HCN1: variants seen among roughly 807,000 people sequenced by gnomAD.
The protein encoded by HCN1 is hyperpolarization activated cyclic nucleotide gated potassium channel 1, also known as potassium/sodium hyperpolarization-activated cyclic nucleotide-gated channel 1.
HCN1 carries 13 observed loss-of-function variants against 78.9 expected under a neutral mutation model. The observed-to-expected ratio is 0.16, with a 90% CI of 0.11 to 0.26. The LOEUF is 0.26. Ranked by LOEUF, HCN1 falls within the 10% of genes least tolerant of loss-of-function variation. HCN1 has a pLI of 1.00. For missense variants in HCN1, 810 were observed against 1,154.3 expected, an observed-to-expected ratio of 0.70 and a Z score of 4.32; for synonymous variants, 552 against 455.5, an observed-to-expected ratio of 1.21 and a Z score of -2.70.
At position 45,267,259 on chromosome 5, in the gene HCN1, A is replaced by G; in HGVS notation, c.1619-6T>C. 6.2e-7 allele frequency: 1 copy of G among 1,613,558 alleles called. No individual in the cohort carries two copies. The highest frequency in any genetic ancestry group is 8.5e-7 in the Non-Finnish European group (1 of 1,179,586). The stretch of plus-strand genomic sequence containing the variant: ...TTTGGTCAGCAGGCAAATCTCTATA[A>G]AAACAAACAACAAAGAAGAATGACT... On this transcript the variant is annotated splice_polypyrimidine_tract_variant and splice_region_variant and intron_variant, in intron 6 of 7. Coordinates refer to ENST00000303230, the MANE Select transcript of HCN1 (RefSeq NM_021072.4).
At position 45,314,781 on chromosome 5, in the gene HCN1, AG is replaced by A. The variant is rs556088471; in HGVS notation, c.1378-10943del. Among the ~76,000 whole-genome samples the A allele has an allele frequency of 3.5e-4, 53 of 152,348 alleles. No individual in the cohort carries two copies. The East Asian group carries it at 0.01, about 29-fold the overall frequency. On this transcript the variant is annotated intron_variant, in intron 5 of 7. Transcript: ENST00000303230. ...TTGCAATCCTAGTCTCTGATAAAAC[AG>A]ACTTTAAACCAACAAAGATCAAAAG...
chr5:45,358,859 C>T (rs1455475980), intron 4 of HCN1, among the ~76,000 whole-genome samples: 2 of 152,036 alleles, frequency 1.3e-5, no homozygotes, highest in African/African-American at 4.8e-5. Flanking sequence ...GAGTCTGACA[C>T]CTTTTAAGAT....
chr5:45,653,404 C>A (rs1745713608), intron 1 of HCN1, among the ~76,000 whole-genome samples: 1 of 152,062 alleles, frequency 6.6e-6, no homozygotes, highest in African/African-American at 2.4e-5. Flanking sequence ...ATGATGTCAA[C>A]AATAATTTGA....
intron 2 of HCN1, among the ~76,000 whole-genome samples, chr5:45,593,247 C>A (rs1315745897): frequency 6.8e-6 from 1 of 148,030 alleles, no homozygotes; most frequent in African/African-American, 2.5e-5. Context: ...CACACACAAA[C>A]ACGCACACTA....
chr5:45,372,884 C>T (rs902876781), intron 4 of HCN1, among the ~76,000 whole-genome samples: 1 of 141,834 alleles, frequency 7.1e-6, no homozygotes, highest in Non-Finnish European at 1.5e-5. Context: ...GTATTCTATA[C>T]ACAAAAATAT....
At chr5:45,630,792 A>T (rs1377681873) in intron 2 of HCN1, among the ~76,000 whole-genome samples, 3 of 152,112 alleles carry the variant, frequency 2.0e-5, no homozygotes, top group African/African-American at 7.2e-5. Flanking sequence ...TAAAGCTGTG[A>T]TACATCCTCA....
intron 3 of HCN1, among the ~76,000 whole-genome samples, chr5:45,461,089 GAACAAAC>G (rs1741144970): frequency 6.6e-6 from 1 of 151,622 alleles, no homozygotes; most frequent in East Asian, 1.9e-4. Context: ...TATACAAAAA[GAACAAAC>G]ATTTGTGAAC....
intron 3 of HCN1, among the ~76,000 whole-genome samples, chr5:45,441,095 G>C (rs1204210279): frequency 6.6e-6 from 1 of 152,074 alleles, no homozygotes; most frequent in African/African-American, 2.4e-5. Flanking sequence ...TTTGGGGATG[G>C]CATATAGGAA....
chr5:45,693,161 C>G (rs149671723), intron 1 of HCN1, among the ~76,000 whole-genome samples: 1 of 152,090 alleles, frequency 6.6e-6, no homozygotes, highest in Non-Finnish European at 1.5e-5. Context: ...AAAAAAACTA[C>G]CGCTAGAATT....
intron 2 of HCN1, among the ~76,000 whole-genome samples, chr5:45,640,579 T>G (rs1306867453): frequency 7.0e-6 from 1 of 142,932 alleles, no homozygotes; most frequent in Non-Finnish European, 1.5e-5. Context: ...GTCTGATTCT[T>G]TTTTTTTTTT....
chr5:45,546,563 T>G (rs1227931517), intron 2 of HCN1, among the ~76,000 whole-genome samples: 1 of 151,866 alleles, frequency 6.6e-6, no homozygotes, highest in African/African-American at 2.4e-5. Context: ...GATTTTTCAT[T>G]TCCCATCTTA....
rs529177283 is a variant in HCN1 at position 45,478,103 on chromosome 5, G to C, written c.850-16096C>G. ...TGGGAGGTGGAGGTTGCAGTGAGCA[G>C]AGATTGTGCCACTGCACTCCAGCCT... On this transcript the variant is annotated intron_variant, in intron 2 of 7. Transcript: ENST00000303230. Among the ~76,000 whole-genome samples the C allele has an allele frequency of 4.0e-3, 607 of 152,212 alleles. 2 individuals carry two copies. The highest frequency in any genetic ancestry group is 6.2e-3 in the Non-Finnish European group (421 of 67,998).
intron 2 of HCN1, among the ~76,000 whole-genome samples, chr5:45,573,176 G>A (rs1272416861): frequency 6.6e-6 from 1 of 152,006 alleles, no homozygotes; most frequent in African/African-American, 2.4e-5. Context: ...AAGGACCTCA[G>A]CTTAAACACA....
Position 45,537,767 on chromosome 5 carries a change from G to A in HCN1, c.850-75760C>T, listed in dbSNP as rs116820446. ...CCTATCTTCTTCTCTTCTTACTTGA[G>A]TATTTGATCTGGTCCTTCCCTTTTT... On this transcript the variant is annotated intron_variant, in intron 2 of 7. Coordinates refer to ENST00000303230, the MANE Select transcript of HCN1 (RefSeq NM_021072.4). 3.5e-3 allele frequency among the ~76,000 whole-genome samples: 534 copies of A among 151,754 alleles called. 8 individuals are homozygous for A. Among genetic ancestry groups the A allele is most frequent in the African/African-American group, 0.012 (504 of 41,408 alleles).
chr5:45,330,341 A>C (rs1746319469), intron 5 of HCN1, among the ~76,000 whole-genome samples: 1 of 151,220 alleles, frequency 6.6e-6, no homozygotes. Flanking sequence ...AATTGTGGAT[A>C]TATCAACAGT....
chr5:45,482,983 C>G (rs188850033), intron 2 of HCN1, among the ~76,000 whole-genome samples: 10 of 152,278 alleles, frequency 6.6e-5, no homozygotes, highest in Admixed American at 5.9e-4. Context: ...TGTATATGTA[C>G]CACATTTTCC....
At chr5:45,654,557 C>A (rs559646047) in intron 1 of HCN1, among the ~76,000 whole-genome samples, 13 of 152,034 alleles carry the variant, frequency 8.6e-5, no homozygotes, top group Non-Finnish European at 1.6e-4. Context: ...ATTCTAGTAC[C>A]ATTCACTCTA....
chr5:45,263,485 G>GATGTT (rs1744791474), intron 7 of HCN1, among the ~76,000 whole-genome samples: 3 of 152,152 alleles, frequency 2.0e-5, no homozygotes, highest in African/African-American at 7.2e-5. Context: ...TAGAAACTCA[G>GATGTT]CCTCCTGGGC....
At chr5:45,380,032 G>A (rs1289254662) in intron 4 of HCN1, among the ~76,000 whole-genome samples, 1 of 151,990 alleles carries the variant, frequency 6.6e-6, no homozygotes, top group South Asian at 2.1e-4. Context: ...TGAAGAGTTA[G>A]GATCCATTTG....
Sources: allele counts gnomAD v4.1 joint callset (sites outside exome capture counted in the v4.1 genomes callset), GRCh38; gene constraint gnomAD v4.1.1; transcripts MANE v1.5; gene names NCBI Gene and HGNC (gene_info 2026-07-23, HGNC 2026-07-21).